FLNB: variants seen among roughly 807,000 people sequenced by gnomAD.
The protein encoded by FLNB is filamin B.
Under a neutral mutation model 250.6 loss-of-function variants are expected in FLNB, and 111 were observed. The observed-to-expected ratio is 0.44, with a 90% CI of 0.38 to 0.52. FLNB has a LOEUF of 0.52. Ranked by LOEUF, FLNB falls within the 20% of genes least tolerant of loss-of-function variation. The pLI is 0.00. For missense variants in FLNB, 2,869 were observed against 3,447.8 expected (o/e 0.83, Z 4.20); for synonymous variants, 1,302 against 1,372.1 (o/e 0.95, Z 1.13).
At chr3:58,103,399 A>T (rs1253681796) in intron 9 of FLNB, among the ~76,000 whole-genome samples, 2 of 152,148 alleles carry the variant, frequency 1.3e-5, no homozygotes, top group East Asian at 3.9e-4. Flanking sequence ...CTCAGGGCTC[A>T]ACACAAAACA....
Position 58,159,575 on chromosome 3 carries a change from C to T in FLNB, c.6910C>T (p.Gln2304Ter). Residue 2304 changes from glutamine (Q) to a stop codon, truncating the protein, a stop_gained, in exon 42 of 46, where the codon CAG becomes TAG. Coordinates refer to ENST00000295956, the MANE Select transcript of FLNB (RefSeq NM_001457.4). LOFTEE classifies it high-confidence loss of function. ...TCAGGAATCGGGATTAAAAGTTAAC[C>T]AGCCAGCATCCTTTGCTATAAGGTT... Reference protein sequence around the residue: ...SLQESGLKVNQPASFAIRLNG... With the variant: ...SLQESGLKVN The T allele has an allele frequency of 1.2e-6, 2 of 1,614,084 alleles. No individual in the cohort carries two copies. Among genetic ancestry groups the T allele is most frequent in the Non-Finnish European group, 8.5e-7 (1 of 1,180,008 alleles).
intron 5 of FLNB, 101 bp downstream of exon 5, chr3:58,095,055 AACCAAAAGTGTTTTTT>A (rs1553694926): frequency 1.4e-5 from 13 of 960,560 alleles, no homozygotes; most frequent in Non-Finnish European, 2.1e-5. Context: ...TTCAGCTCAC[AACCAAAAGTGTTTTTT>A]ACCAAAAGGA....
chr3:58,076,782 C>T lies in FLNB; in HGVS notation c.293-264C>T, dbSNP rs146427246. The stretch of plus-strand genomic sequence containing the variant: ...GGCCATTATTATGGAAAATTTTAGG[C>T]GTATACAAAAGTAGAGACAGTGGTG... On this transcript the variant is annotated intron_variant, in intron 1 of 45. Coordinates refer to ENST00000295956, the MANE Select transcript of FLNB (RefSeq NM_001457.4). 4.5e-3 allele frequency among the ~76,000 whole-genome samples: 688 copies of T among 152,156 alleles called. 2 individuals carry two copies. Among genetic ancestry groups the T allele is most frequent in the Non-Finnish European group, 7.0e-3 (477 of 68,022 alleles).
chr3:58,160,571 G>A (rs1011545230), intron 42 of FLNB, among the ~76,000 whole-genome samples: 17 of 152,220 alleles, frequency 1.1e-4, no homozygotes, highest in African/African-American at 4.1e-4. Flanking sequence ...CTGCCTCGGT[G>A]AGTTCAGGAG....
intron 3 of FLNB, 133 bp downstream of exon 3, chr3:58,078,947 C>G: frequency 1.5e-6 from 1 of 682,302 alleles, no homozygotes; most frequent in Non-Finnish European, 2.7e-6. Flanking sequence ...GATGCTCTCT[C>G]ATCTTCCTCA....
At chr3:58,112,093 C>T (rs547365678) in intron 17 of FLNB, 56 bp from the exon 18 acceptor site, 1 of 1,565,972 alleles carries the variant, frequency 6.4e-7, no homozygotes, top group African/African-American at 1.3e-5. Flanking sequence ...GACGGGTTCT[C>T]AAAGTGAAAC....
At chr3:58,139,129 A>G (rs570622504) in intron 29 of FLNB, among the ~76,000 whole-genome samples, 47 of 152,302 alleles carry the variant, frequency 3.1e-4, no homozygotes, top group African/African-American at 1.1e-3. Flanking sequence ...TTTCATTTTC[A>G]GTTGTGAGTT....
Position 58,109,164 on chromosome 3 carries a change from C to T in FLNB, c.2056-15C>T. ...GTGAGGGCCACCTCTGGTCCTAGCT[C>T]TGGCTTTTTTGCAGGATGGGGAAGG... On this transcript the variant is annotated splice_polypyrimidine_tract_variant and intron_variant, in intron 13 of 45. Transcript: ENST00000295956. The T allele has an allele frequency of 1.2e-6, 2 of 1,614,200 alleles. No individual in the cohort carries two copies. Among genetic ancestry groups the T allele is most frequent in the Non-Finnish European group, 1.7e-6 (2 of 1,180,014 alleles).
chr3:58,121,405 G>A lies in FLNB; in HGVS notation c.3028G>A (p.Glu1010Lys), dbSNP rs2097288558. 1 of 1,614,072 alleles carries A rather than the reference G, an allele frequency of 6.2e-7. No individual in the cohort carries two copies. Among genetic ancestry groups the A allele is most frequent in the South Asian group, 1.1e-5 (1 of 91,086 alleles). The part of the protein sequence containing the change: ...ENSTAKFIPR[E>K]EGLYAVDVTY... ...CAGCACGGCCAAGTTCATCCCTCGGGAGGAGGGGCTGTATGCTGTAGACGT... is the reference window on the plus strand; with the variant it reads ...CAGCACGGCCAAGTTCATCCCTCGGAAGGAGGGGCTGTATGCTGTAGACGT... The change falls in exon 20 of 46, where the codon GAG (glutamate) becomes AAG (lysine). Residue 1010 changes from glutamate (E) to lysine (K), a missense_variant. This residue lies in a region of FLNB where 1,348 missense variants were observed against 1,466.7 expected (regional missense o/e 0.92). Coordinates refer to ENST00000295956, the MANE Select transcript of FLNB (RefSeq NM_001457.4).
intron 1 of FLNB, among the ~76,000 whole-genome samples, chr3:58,048,080 G>T (rs374383637): frequency 2.0e-5 from 3 of 152,124 alleles, no homozygotes; most frequent in African/African-American, 7.2e-5. Flanking sequence ...TTCCCAAAAT[G>T]CTCCCAAGTG....
intron 1 of FLNB, among the ~76,000 whole-genome samples, chr3:58,051,400 G>A (rs1380770565): frequency 3.3e-5 from 5 of 152,192 alleles, no homozygotes; most frequent in South Asian, 2.1e-4. Context: ...GAGGCTTTGC[G>A]CAATAGCCTT....
intron 4 of FLNB, among the ~76,000 whole-genome samples, chr3:58,091,305 A>G (rs2097226867): frequency 1.3e-5 from 2 of 152,226 alleles, no homozygotes; most frequent in Non-Finnish European, 1.5e-5. Context: ...CTTGCTGTAT[A>G]GCTACAGAAG....
In FLNB at chr3:58,170,553, G is replaced by GT. The variant is rs769679730; in HGVS notation, c.7622-21dup. The GT allele has an allele frequency of 7.4e-6, 12 of 1,612,124 alleles. No homozygotes were observed. The African/African-American group carries it at 1.5e-4, about 20-fold the overall frequency. ...GCCTGTCCTGATGCATCCGGGTGGA[G>GT]TAACCACCTTTTGCCTCCTAGGCTC... is the stretch of plus-strand genomic sequence containing the variant. On this transcript the variant is annotated intron_variant, in intron 45 of 45. Transcript: ENST00000295956.
At chr3:58,163,616 T>C (rs1425054891) in intron 43 of FLNB, 1 of 466,200 alleles carries the variant, frequency 2.1e-6, no homozygotes, top group African/African-American at 2.0e-5. Context: ...CAGAACAGGA[T>C]GCTGATAGTC....
rs535006813 is a variant in FLNB at position 58,047,789 on chromosome 3, A to G, written c.293-29257A>G. 8.6e-5 allele frequency among the ~76,000 whole-genome samples: 13 copies of G among 151,986 alleles called. 1 individual carries two copies. Among genetic ancestry groups the G allele is most frequent in the African/African-American group, 2.9e-4 (12 of 41,468 alleles). ...GGGTTGGCCAAGCTGGTCGTGAACT[A>G]TTGACCTCAAGTGATCCTCCTGCCT... On this transcript the variant is annotated intron_variant, in intron 1 of 45. Coordinates refer to ENST00000295956, the MANE Select transcript of FLNB (RefSeq NM_001457.4).
intron 1 of FLNB, among the ~76,000 whole-genome samples, chr3:58,009,668 A>C (rs2097095582): frequency 6.6e-6 from 1 of 152,110 alleles, no homozygotes; most frequent in Non-Finnish European, 1.5e-5. Flanking sequence ...TTTACAGATA[A>C]GGGGGTCCGG....
At chr3:58,126,838 C>T (rs1216287014) in intron 24 of FLNB, 76 bp downstream of exon 24, 4 of 1,323,452 alleles carry the variant, frequency 3.0e-6, no homozygotes, top group Non-Finnish European at 4.3e-6. Flanking sequence ...GGTTATCTCT[C>T]TGAGTGGGGA....
chr3:58,111,894 G>C lies in FLNB; in HGVS notation c.2575+13G>C. On this transcript the variant is annotated intron_variant, in intron 17 of 45. Coordinates refer to ENST00000295956, the MANE Select transcript of FLNB (RefSeq NM_001457.4). ...CTCAGCAAAGCAGGTAAGATGGCAC[G>C]TCTAGGTTGTCCTGGGCCCCTCTGC... 1 of 1,607,868 alleles carries C rather than the reference G, an allele frequency of 6.2e-7. No homozygotes were observed. The highest frequency in any genetic ancestry group is 8.5e-7 in the Non-Finnish European group (1 of 1,174,400).
chr3:58,044,164 A>C (rs946213883), intron 1 of FLNB, among the ~76,000 whole-genome samples: 6 of 152,146 alleles, frequency 3.9e-5, no homozygotes, highest in African/African-American at 1.2e-4. Context: ...AGAGGTGATG[A>C]GGCTGGGCCC....
Sources: allele counts gnomAD v4.1 joint callset (sites outside exome capture counted in the v4.1 genomes callset), GRCh38; gene constraint gnomAD v4.1.1; regional missense constraint gnomAD v4.1.1; transcripts MANE v1.5; gene names NCBI Gene and HGNC (gene_info 2026-07-23, HGNC 2026-07-21).